Variants in IMPG1 observed in about 807,000 individuals in gnomAD.
IMPG1 encodes interphotoreceptor matrix proteoglycan of 150 kDa.
Under a neutral mutation model 92.0 loss-of-function variants are expected in IMPG1, and 85 were observed. The ratio of observed to expected loss-of-function variants is 0.92; its 90% CI spans 0.78 to 1.11. The LOEUF (loss-of-function observed/expected upper bound fraction) is 1.11. Among genes scored for constraint, IMPG1 ranks in the 50% least tolerant of loss-of-function variants. IMPG1 has a pLI of 0.00. For missense variants in IMPG1, 1,022 were observed against 956.0 expected (o/e 1.07, Z -0.91); for synonymous variants, 367 against 334.1 (o/e 1.10, Z -1.08).
At chr6:75,926,300 C>A (rs925314863) in intron 15 of IMPG1, among the ~76,000 whole-genome samples, 12 of 152,110 alleles carry the variant, frequency 7.9e-5, no homozygotes, top group African/African-American at 2.9e-4. Flanking sequence ...AATTCCAACC[C>A]CTTCCTCCTA....
intron 8 of IMPG1, among the ~76,000 whole-genome samples, chr6:76,009,913 AG>A: frequency 6.6e-6 from 1 of 152,354 alleles, no homozygotes; most frequent in Middle Eastern, 3.4e-3. Flanking sequence ...CTTCCACTGC[AG>A]TGGTTTATTC....
chr6:75,934,900 T>C (rs1479640476), intron 14 of IMPG1: 1 of 467,748 alleles, frequency 2.1e-6, no homozygotes, highest in Non-Finnish European at 4.5e-6. Flanking sequence ...TCTCCTGCTT[T>C]TGCGCTGTCC....
At chr6:76,057,110 A>G (rs906527098) in intron 1 of IMPG1, among the ~76,000 whole-genome samples, 5 of 152,148 alleles carry the variant, frequency 3.3e-5, no homozygotes, top group Non-Finnish European at 4.4e-5. Flanking sequence ...ACACATGGAT[A>G]CATGTCGGGG....
At position 76,003,923 on chromosome 6, in the gene IMPG1, C is replaced by T; in HGVS notation, c.1163G>A (p.Gly388Asp). ...DEIAGSLPAF[G>D]PDTQSELPTS... is the part of the protein sequence containing the mutation. ...GGGCAGCTCTGATTGGGTGTCAGGA[C>T]CAAAGGCTGGCAGTGATCCAGCAAT... Residue 388 changes from glycine (G) to aspartate (D), a missense_variant, in exon 11 of 17, where the codon GGT (glycine) becomes GAT (aspartate). By Grantham distance (94) the Gly-to-Asp change is moderately conservative. This residue lies in a region of IMPG1 where 681 missense variants were observed against 583.6 expected (regional missense o/e 1.17). Transcript: ENST00000369950. 1 of 1,613,070 alleles carries T rather than the reference C, an allele frequency of 6.2e-7. No individual in the cohort carries two copies. The highest frequency in any genetic ancestry group is 1.1e-5 in the South Asian group (1 of 90,938).
chr6:76,066,885 A>G (rs766755627), intron 1 of IMPG1, among the ~76,000 whole-genome samples: 24 of 152,162 alleles, frequency 1.6e-4, no homozygotes, highest in African/African-American at 5.5e-4. Context: ...ACTAGAAATC[A>G]ATCCCAAGAG....
chr6:76,034,905 T>C lies in IMPG1; in HGVS notation c.302-118A>G, dbSNP rs550008655. The C allele has an allele frequency of 1.4e-5, 11 of 803,924 alleles. No individual in the cohort carries two copies. The East Asian group carries it at 2.5e-4, about 19-fold the overall frequency. 49.8% of individuals were successfully genotyped at this position (803,924 alleles called of 1,614,324 possible). ...CTTATGTCGACACACTAATTTACAGTCTCTAAAAGTTAATTCATTTAACAA... is the reference window on the plus strand; with the variant it reads ...CTTATGTCGACACACTAATTTACAGCCTCTAAAAGTTAATTCATTTAACAA... On this transcript the variant is annotated intron_variant, in intron 2 of 16. Coordinates refer to ENST00000369950, the MANE Select transcript of IMPG1 (RefSeq NM_001563.4).
intron 12 of IMPG1, among the ~76,000 whole-genome samples, chr6:75,999,787 T>C (rs1782958215): frequency 6.6e-6 from 1 of 152,218 alleles, no homozygotes; most frequent in African/African-American, 2.4e-5. Context: ...AATCACAAGC[T>C]CAAATATGAG....
chr6:75,953,170 C>T (rs1040101731), intron 12 of IMPG1, among the ~76,000 whole-genome samples: 1 of 152,196 alleles, frequency 6.6e-6, no homozygotes, highest in African/African-American at 2.4e-5. Flanking sequence ...TCATTACTCA[C>T]ACCTTTCTTA....
At position 75,931,103 on chromosome 6, in the gene IMPG1, T is replaced by A; in HGVS notation, c.2093A>T (p.Gln698Leu). ...CKFLACGEFA[Q>L]CVKNERTEEA... ...CTCAGTCCGTTCGTTCTTTACACAT[T>A]GGGCAAATTCGCCGCAGGCCAGGAA... is the stretch of plus-strand genomic sequence containing the variant. The change falls in exon 15 of 17, where the codon CAA becomes CTA. Residue 698 changes from glutamine (Q) to leucine (L), a missense_variant. This residue lies in a region of IMPG1 where 332 missense variants were observed against 346.2 expected (regional missense o/e 0.96). Transcript: ENST00000369950. 1 of 1,614,164 alleles carries A rather than the reference T, an allele frequency of 6.2e-7. No homozygotes were observed. Among genetic ancestry groups the A allele is most frequent in the Non-Finnish European group, 8.5e-7 (1 of 1,180,008 alleles).
chr6:76,027,548 C>T (rs1285116537), intron 4 of IMPG1, among the ~76,000 whole-genome samples: 2 of 152,006 alleles, frequency 1.3e-5, no homozygotes, highest in African/African-American at 4.8e-5. Context: ...AAACTTTGGC[C>T]TAGGGTTAAA....
intron 2 of IMPG1, among the ~76,000 whole-genome samples, chr6:76,037,598 G>T (rs866897401): frequency 6.6e-6 from 1 of 152,168 alleles, no homozygotes; most frequent in Non-Finnish European, 1.5e-5. Flanking sequence ...ACAACACTTG[G>T]ATGTTTTCAG....
intron 13 of IMPG1, among the ~76,000 whole-genome samples, chr6:75,949,091 G>A (rs1173945916): frequency 6.6e-6 from 1 of 152,150 alleles, no homozygotes; most frequent in African/African-American, 2.4e-5. Context: ...CTTCATTATG[G>A]CAGCTTAGCA....
chr6:76,071,890 T>C (rs1002948977), intron 1 of IMPG1, among the ~76,000 whole-genome samples: 2 of 152,134 alleles, frequency 1.3e-5, no homozygotes, highest in Non-Finnish European at 2.9e-5. Context: ...CTAGTTCTTT[T>C]ATGCGTACAA....
chr6:75,945,359 T>TTTTTTTTTTTTTTTC (rs1781909076), intron 14 of IMPG1, among the ~76,000 whole-genome samples: 2 of 100,828 alleles, frequency 2.0e-5, no homozygotes, highest in Non-Finnish European at 4.4e-5. Flanking sequence ...TTTTTTTTTC[T>TTTTTTTTTTTTTTTC]TTTTTTTTTT....
In IMPG1 at chr6:76,011,174, TA is replaced by T; in HGVS notation, c.857del (p.Leu286Ter). On this transcript the variant is annotated frameshift_variant, in exon 8 of 17. Coordinates refer to ENST00000369950, the MANE Select transcript of IMPG1 (RefSeq NM_001563.4). LOFTEE classifies it high-confidence loss of function. The stretch of plus-strand genomic sequence containing the variant: ...TTGATTCTCTTACTTACCTAAATCC[TA>T]ACACATGGATTTTTTTGAATCCTGG... ...KLPGFKKIHV[L>X]GFRPKKEKDG... The T allele has an allele frequency of 6.6e-7, 1 of 1,521,354 alleles. No individual in the cohort carries two copies. Among genetic ancestry groups the T allele is most frequent in the Non-Finnish European group, 9.1e-7 (1 of 1,097,352 alleles). 94.2% of individuals were successfully genotyped at this position (1,521,354 alleles called of 1,614,324 possible). A position where few individuals can be genotyped will look rare whatever the true frequency, so the allele number is the denominator to read the frequency against.
rs372035429 is a variant in IMPG1, at chr6:75,924,685, T to A, written c.2244-979A>T. ...ATATAATAAATTATATATTATATAT[T>A]ATATATAAATAATTATATATAATAT... On this transcript the variant is annotated intron_variant, in intron 15 of 16. Coordinates refer to ENST00000369950, the MANE Select transcript of IMPG1 (RefSeq NM_001563.4). Among the ~76,000 whole-genome samples the A allele has an allele frequency of 4.9e-3, 15 of 3,076 alleles. 2 individuals are homozygous for A. The highest frequency in any genetic ancestry group is 6.4e-3 in the Non-Finnish European group (9 of 1,398). The allele number at this position is 3,076 out of a possible 152,430, so 2.0% of individuals were successfully genotyped here.
chr6:75,939,339 T>TC (rs1781801076), intron 14 of IMPG1, among the ~76,000 whole-genome samples: 1 of 152,088 alleles, frequency 6.6e-6, no homozygotes, highest in South Asian at 2.1e-4. Context: ...CCTAATGCTA[T>TC]CCCTCCCTGC....
chr6:75,960,334 A>G (rs111987717), intron 12 of IMPG1, among the ~76,000 whole-genome samples: 2 of 152,336 alleles, frequency 1.3e-5, no homozygotes, highest in African/African-American at 4.8e-5. Context: ...GCCAGCCGAA[A>G]AAAAGATGTT....
At chr6:75,996,684 A>G (rs1187912203) in intron 12 of IMPG1, among the ~76,000 whole-genome samples, 1 of 152,202 alleles carries the variant, frequency 6.6e-6, no homozygotes. Context: ...AGAACTTTCC[A>G]GCAAAGGATG....
Sources: allele counts gnomAD v4.1 joint callset (sites outside exome capture counted in the v4.1 genomes callset), GRCh38; gene constraint gnomAD v4.1.1; regional missense constraint gnomAD v4.1.1; transcripts MANE v1.5; gene names NCBI Gene and HGNC (gene_info 2026-07-23, HGNC 2026-07-21).